The following PADI4 variants were observed in gnomAD, a reference collection of about 807,000 sequenced individuals.
PADI4 encodes protein-arginine deiminase type-4.
PADI4 carries 62 observed loss-of-function variants against 75.0 expected under a neutral mutation model. The ratio of observed to expected loss-of-function variants is 0.83; its 90% confidence interval spans 0.67 to 1.02. The LOEUF is 1.02. Ranked by LOEUF, PADI4 falls within the 50% of genes least tolerant of loss-of-function variation. The pLI is 0.00. For synonymous variants in PADI4, 361 were observed against 348.1 expected, an observed-to-expected ratio of 1.04 and a Z score of -0.41; for missense variants, 845 against 850.5, an observed-to-expected ratio of 0.99 and a Z score of 0.08.
chr1:17,342,251 C>T, intron 7 of PADI4, 48 bp from the exon 8 acceptor site: 2 of 1,429,798 alleles, frequency 1.4e-6, no homozygotes, highest in Non-Finnish European at 9.9e-7. Context: ...GGTGCTGGGC[C>T]CTGGCAGCGG....
chr1:17,328,488 A>C (rs973264302), intron 1 of PADI4, among the ~76,000 whole-genome samples: 1 of 152,072 alleles, frequency 6.6e-6, no homozygotes, highest in Non-Finnish European at 1.5e-5. Flanking sequence ...TCTACAAAAA[A>C]TTTTAAAAAT....
At position 17,353,383 on chromosome 1, in the gene PADI4, T is replaced by G. The variant is rs116057974; in HGVS notation, c.1156-1150T>G. Among the ~76,000 whole-genome samples, 1,179 of 152,128 alleles carry G rather than the reference T, an allele frequency of 7.8e-3. 10 individuals are homozygous for G. Among genetic ancestry groups the G allele is most frequent in the African/African-American group, 0.027 (1,103 of 41,494 alleles). On this transcript the variant is annotated intron_variant, in intron 10 of 15. Transcript: ENST00000375448. Reference sequence around the variant, plus strand: ...TCGGGCGGCTGAGACGGGACCGTGATCCTTTGAGCCCAGGAGGTCAAAACT... The same window carrying G: ...TCGGGCGGCTGAGACGGGACCGTGAGCCTTTGAGCCCAGGAGGTCAAAACT...
chr1:17,315,931 C>A (rs2073925344), intron 1 of PADI4, among the ~76,000 whole-genome samples: 1 of 151,960 alleles, frequency 6.6e-6, no homozygotes, highest in African/African-American at 2.4e-5. Context: ...TCACTTGAAC[C>A]TGGCTGCCTC....
intron 15 of PADI4, among the ~76,000 whole-genome samples, chr1:17,359,852 A>G (rs2074824456): frequency 6.6e-6 from 1 of 152,242 alleles, no homozygotes; most frequent in South Asian, 2.1e-4. Flanking sequence ...CAGTCCAAGG[A>G]GAGTGATGTG....
intron 1 of PADI4, among the ~76,000 whole-genome samples, chr1:17,323,057 C>A (rs988731960): frequency 1.3e-5 from 2 of 152,190 alleles, no homozygotes; most frequent in Admixed American, 1.3e-4. Context: ...TGCTAAGGCT[C>A]CACCAGGGAA....
intron 2 of PADI4, among the ~76,000 whole-genome samples, chr1:17,332,829 G>T (rs2074238775): frequency 6.6e-6 from 1 of 152,096 alleles, no homozygotes; most frequent in Non-Finnish European, 1.5e-5. Context: ...GGTCGGGGAA[G>T]GCTTCCTGAA....
At chr1:17,312,148 C>T (rs1294054796) in intron 1 of PADI4, among the ~76,000 whole-genome samples, 20 of 151,904 alleles carry the variant, frequency 1.3e-4, no homozygotes, top group Non-Finnish European at 1.3e-4. Context: ...TCTGGGACTT[C>T]AATATTTAAA....
intron 13 of PADI4, among the ~76,000 whole-genome samples, chr1:17,357,266 C>T (rs1349586595): frequency 6.6e-6 from 1 of 152,122 alleles, no homozygotes; most frequent in Non-Finnish European, 1.5e-5. Context: ...ATCCCGGGTT[C>T]AAGTGATTCT....
At chr1:17,334,076 G>A (rs1444066791) in intron 3 of PADI4, 67 bp downstream of exon 3, 4 of 992,860 alleles carry the variant, frequency 4.0e-6, no homozygotes, top group Non-Finnish European at 4.9e-6. Flanking sequence ...CCTGCAGGAT[G>A]TCTCTGTAGG....
chr1:17,334,711 T>G (rs1048070795), intron 3 of PADI4: 2 of 443,298 alleles, frequency 4.5e-6, no homozygotes, highest in Non-Finnish European at 9.0e-6. Flanking sequence ...TTATATCTCA[T>G]CTTCACCATT....
At chr1:17,319,809 T>C (rs1181142656) in intron 1 of PADI4, among the ~76,000 whole-genome samples, 1 of 152,168 alleles carries the variant, frequency 6.6e-6, no homozygotes, top group Admixed American at 6.5e-5. Context: ...CATTTGAACA[T>C]GGTTTGAACA....
At chr1:17,309,547 C>T (rs867332492) in intron 1 of PADI4, among the ~76,000 whole-genome samples, 3 of 152,150 alleles carry the variant, frequency 2.0e-5, no homozygotes, top group Non-Finnish European at 4.4e-5. Flanking sequence ...TCCTCCTCAA[C>T]CCCTCGGTCT....
chr1:17,318,457 G>A (rs914798394), intron 1 of PADI4, among the ~76,000 whole-genome samples: 1 of 152,156 alleles, frequency 6.6e-6, no homozygotes, highest in African/African-American at 2.4e-5. Flanking sequence ...ACCAACTCAG[G>A]CAACAGTGTC....
intron 11 of PADI4, 49 bp downstream of exon 11, chr1:17,354,736 T>C: frequency 6.5e-7 from 1 of 1,529,308 alleles, no homozygotes; most frequent in Admixed American, 2.0e-5. Flanking sequence ...AGGTATGCCG[T>C]AGAAAAGCAG....
At chr1:17,354,441 T>A in intron 10 of PADI4, 92 bp from the exon 11 acceptor site, 1 of 1,096,342 alleles carries the variant, frequency 9.1e-7, no homozygotes, top group Admixed American at 1.7e-5. Flanking sequence ...AGTTACTTCC[T>A]GTGCCCAAGT....
At chr1:17,355,954 A>C (rs1282319291) in intron 11 of PADI4, 29 bp from the exon 12 acceptor site, 1 of 1,613,822 alleles carries the variant, frequency 6.2e-7, no homozygotes, top group African/African-American at 1.3e-5. Context: ...CTTGCTGCCG[A>C]TAACACCCCT....
chr1:17,359,171 C>T (rs368106843), intron 14 of PADI4, 109 bp from the exon 15 acceptor site: 4 of 824,954 alleles, frequency 4.8e-6, no homozygotes, highest in African/African-American at 3.4e-5. Flanking sequence ...CTTCCTGACA[C>T]TGTCCCAGGT....
At chr1:17,351,573 C>T (rs530378391) in intron 10 of PADI4, among the ~76,000 whole-genome samples, 8 of 141,432 alleles carry the variant, frequency 5.7e-5, no homozygotes, top group Non-Finnish European at 9.0e-5. Flanking sequence ...CACACCACTG[C>T]ATTCTGGCAT....
At chr1:17,340,795 T>A (rs2074404207) in intron 6 of PADI4, among the ~76,000 whole-genome samples, 2 of 140,638 alleles carry the variant, frequency 1.4e-5, no homozygotes, top group Non-Finnish European at 1.6e-5. Flanking sequence ...CCAAGCTTTT[T>A]TTTTTTTTTT....
Sources: allele counts gnomAD v4.1 joint callset (sites outside exome capture counted in the v4.1 genomes callset), GRCh38; gene constraint gnomAD v4.1.1; transcripts MANE v1.5; gene names NCBI Gene and HGNC (gene_info 2026-07-23, HGNC 2026-07-21).